The following POLE2 variants were observed in gnomAD, a reference collection of about 807,000 sequenced individuals.
The protein encoded by POLE2 is DNA polymerase epsilon 2, accessory subunit.
POLE2 carries 56 observed loss-of-function variants against 79.4 expected under a neutral mutation model. The observed-to-expected ratio is 0.71, with a 90% CI of 0.57 to 0.88. The LOEUF is 0.88. POLE2 is among the 40% of genes least tolerant of loss of function. POLE2 has a pLI of 0.00. For synonymous variants in POLE2, 212 were observed against 214.0 expected, an observed-to-expected ratio of 0.99 and a Z score of 0.08; for missense variants, 598 against 638.9, an observed-to-expected ratio of 0.94 and a Z score of 0.69.
chr14:49,643,731 G>T, intron 18 of POLE2, 61 bp from the exon 19 acceptor site: 4 of 858,346 alleles, frequency 4.7e-6, no homozygotes, highest in Non-Finnish European at 7.5e-6. Flanking sequence ...ACTAATAGTT[G>T]TAGTTAATTT....
At chr14:49,675,152 G>A (rs1235134768) in intron 3 of POLE2, among the ~76,000 whole-genome samples, 1 of 148,540 alleles carries the variant, frequency 6.7e-6, no homozygotes, top group Non-Finnish European at 1.5e-5. Flanking sequence ...TGGCTCGATC[G>A]TGGCTCACCA....
chr14:49,654,720 A>G, intron 13 of POLE2, 64 bp downstream of exon 13: 2 of 1,468,464 alleles, frequency 1.4e-6, no homozygotes, highest in Non-Finnish European at 9.0e-7. Context: ...ATATAACAAA[A>G]TTCATTTTTT....
rs2139649156 is a variant in POLE2, at chr14:49,664,613, T to C, written c.682+13A>G. 3 of 1,529,088 alleles carry C rather than the reference T, an allele frequency of 2.0e-6. No homozygotes were observed. The highest frequency in any genetic ancestry group is 2.7e-6 in the Non-Finnish European group (3 of 1,102,912). 94.7% of individuals were successfully genotyped at this position (1,529,088 alleles called of 1,614,324 possible). On this transcript the variant is annotated intron_variant, in intron 9 of 18. Transcript: ENST00000216367. ...AATGAGAAGAAGGACAGTAACAAAGTATACTGACTTACCTTCTGCTAAGAC... is the reference window on the plus strand; with the variant it reads ...AATGAGAAGAAGGACAGTAACAAAGCATACTGACTTACCTTCTGCTAAGAC...
chr14:49,655,466 C>T (rs112540898), intron 11 of POLE2, among the ~76,000 whole-genome samples: 13 of 151,308 alleles, frequency 8.6e-5, no homozygotes, highest in African/African-American at 3.2e-4. Flanking sequence ...TAAACACACA[C>T]ACACACACAC....
chr14:49,686,639 T>C (rs1450832746), intron 1 of POLE2, among the ~76,000 whole-genome samples: 3 of 152,198 alleles, frequency 2.0e-5, no homozygotes, highest in African/African-American at 7.2e-5. Flanking sequence ...TAGAATACAT[T>C]ATCTGCCCCC....
At chr14:49,687,305 CA>C (rs1460806021) in intron 1 of POLE2, among the ~76,000 whole-genome samples, 21 of 122,358 alleles carry the variant, frequency 1.7e-4, no homozygotes, top group African/African-American at 7.0e-4. Context: ...ACACACCACA[CA>C]CACACACACA....
chr14:49,660,040 T>A (rs1300625966), intron 10 of POLE2, among the ~76,000 whole-genome samples: 1 of 152,222 alleles, frequency 6.6e-6, no homozygotes, highest in African/African-American at 2.4e-5. Flanking sequence ...TCAGAGCAAC[T>A]TCCAGCCCTG....
chr14:49,679,683 T>C, intron 3 of POLE2, 42 bp downstream of exon 3: 1 of 987,638 alleles, frequency 1.0e-6, no homozygotes, highest in Non-Finnish European at 1.6e-6. Context: ...AAGTGCTCAA[T>C]AACACCTCCA....
chr14:49,666,388 C>T lies in POLE2; in HGVS notation c.518G>A (p.Gly173Asp), dbSNP rs754943640. Residue 173 changes from glycine (G) to aspartate (D), a missense_variant, in exon 7 of 19, where the codon GGT becomes GAT. Transcript: ENST00000216367. ...FQLKTIETLL[G>D]STTKIGDAIV... ...CGCATCTCCGATTTTGGTTGTACTA[C>T]CCAATAAGGTTTCTATTGTTTTAAG... 52 of 1,502,406 alleles carry T rather than the reference C, an allele frequency of 3.5e-5. No individual in the cohort carries two copies. The highest frequency in any genetic ancestry group is 6.4e-5 in the Admixed American group (3 of 46,548). The allele number at this position is 1,502,406 out of a possible 1,614,324, so 93.1% of individuals were successfully genotyped here. A position where few individuals can be genotyped will look rare whatever the true frequency, so the allele number is the denominator to read the frequency against.
intron 1 of POLE2, 117 bp downstream of exon 1, chr14:49,688,019 T>A: frequency 1.2e-6 from 1 of 810,804 alleles, no homozygotes; most frequent in Non-Finnish European, 2.0e-6. Context: ...CTCTGAAATT[T>A]AAGGTCAAGC....
intron 6 of POLE2, among the ~76,000 whole-genome samples, chr14:49,668,149 G>A (rs976366648): frequency 6.6e-6 from 1 of 151,896 alleles, no homozygotes; most frequent in African/African-American, 2.4e-5. Context: ...TGGTGTGCAC[G>A]TATGTCCCAG....
chr14:49,665,763 T>C (rs943906454), intron 7 of POLE2, among the ~76,000 whole-genome samples: 1 of 151,926 alleles, frequency 6.6e-6, no homozygotes. Context: ...TTTTACGTCA[T>C]TGTAAAACAG....
At chr14:49,655,302 TC>T in intron 11 of POLE2, among the ~76,000 whole-genome samples, 1 of 152,218 alleles carries the variant, frequency 6.6e-6, no homozygotes, top group Admixed American at 6.5e-5. Context: ...CCTCAGAACA[TC>T]CATAAAATCT....
At chr14:49,654,296 T>C (rs1884489693) in intron 13 of POLE2, 82 bp from the exon 14 acceptor site, 11 of 921,482 alleles carry the variant, frequency 1.2e-5, no homozygotes, top group Middle Eastern at 6.5e-4. Context: ...ATTCCCTTTG[T>C]TTTCTCTTTA....
chr14:49,674,535 T>G (rs1179187833), intron 3 of POLE2, 108 bp from the exon 4 acceptor site: 1 of 709,042 alleles, frequency 1.4e-6, no homozygotes, highest in East Asian at 2.6e-5. Flanking sequence ...CTTTTCACAT[T>G]TTCTCAGGCC....
intron 10 of POLE2, among the ~76,000 whole-genome samples, chr14:49,656,469 A>C (rs1254427547): frequency 6.6e-6 from 1 of 152,224 alleles, no homozygotes. Context: ...AAACCTCAAA[A>C]TATGTGCTAA....
intron 1 of POLE2, 84 bp downstream of exon 1, chr14:49,688,052 C>T (rs1887289910): frequency 8.5e-7 from 1 of 1,170,918 alleles, no homozygotes; most frequent in Admixed American, 2.2e-5. Flanking sequence ...CGCGGGGAGC[C>T]GCCGCGGTGC....
At chr14:49,674,297 GAA>G in intron 4 of POLE2, 51 bp downstream of exon 4, 1 of 1,442,076 alleles carries the variant, frequency 6.9e-7, no homozygotes, top group Non-Finnish European at 9.7e-7. Flanking sequence ...TATACCTTCT[GAA>G]AAAAAAAGTA....
At chr14:49,645,623 G>A (rs900570124) in intron 18 of POLE2, among the ~76,000 whole-genome samples, 1 of 152,180 alleles carries the variant, frequency 6.6e-6, no homozygotes, top group South Asian at 2.1e-4. Flanking sequence ...AGCATCAACT[G>A]CAAGTACCAT....
Sources: allele counts gnomAD v4.1 joint callset (sites outside exome capture counted in the v4.1 genomes callset), GRCh38; gene constraint gnomAD v4.1.1; transcripts MANE v1.5; gene names NCBI Gene and HGNC (gene_info 2026-07-23, HGNC 2026-07-21).